The following MLLT10 variants were observed in gnomAD, a reference collection of about 807,000 sequenced individuals.
MLLT10 encodes the protein protein AF-10.
MLLT10 carries 30 observed loss-of-function variants against 129.1 expected under a neutral mutation model. The ratio of observed to expected loss-of-function variants is 0.23; its 90% CI spans 0.17 to 0.32. The LOEUF (loss-of-function observed/expected upper bound fraction) is 0.32, where lower values mean the gene tolerates loss of function less well. Ranked by LOEUF, MLLT10 falls within the 10% of genes least tolerant of loss-of-function variation. MLLT10 has a pLI of 1.00. For missense variants in MLLT10, 1,119 were observed against 1,268.3 expected, an observed-to-expected ratio of 0.88 and a Z score of 1.79; for synonymous variants, 490 against 446.4, an observed-to-expected ratio of 1.10 and a Z score of -1.23.
chr10:21,538,282 A>C (rs946108625), intron 2 of MLLT10, among the ~76,000 whole-genome samples: 2 of 151,446 alleles, frequency 1.3e-5, no homozygotes, highest in African/African-American at 2.4e-5. Flanking sequence ...CTCCTGCCGC[A>C]GCCTCCTGAG....
At chr10:21,558,171 G>A (rs188456551) in intron 3 of MLLT10, among the ~76,000 whole-genome samples, 1 of 151,576 alleles carries the variant, frequency 6.6e-6, no homozygotes, top group Non-Finnish European at 1.5e-5. Flanking sequence ...GGCTCGTCTC[G>A]AACTACTGAC....
chr10:21,626,059 C>A (rs183857767), intron 8 of MLLT10: 2 of 1,500,368 alleles, frequency 1.3e-6, no homozygotes, highest in African/African-American at 2.8e-5. Context: ...CAAGCAAGGC[C>A]TTGATCTTCA....
intron 3 of MLLT10, among the ~76,000 whole-genome samples, chr10:21,570,556 A>G (rs542334483): frequency 1.4e-4 from 21 of 150,978 alleles, no homozygotes; most frequent in African/African-American, 4.1e-4. Context: ...AATTATTTCA[A>G]TTATCACGTA....
chr10:21,537,708 A>G (rs1361801539), intron 2 of MLLT10, among the ~76,000 whole-genome samples: 1 of 152,114 alleles, frequency 6.6e-6, no homozygotes, highest in Non-Finnish European at 1.5e-5. Context: ...ACCTCAGGTG[A>G]TCCTCCTGCC....
chr10:21,602,321 C>G (rs1207183565), intron 5 of MLLT10, among the ~76,000 whole-genome samples: 2 of 152,092 alleles, frequency 1.3e-5, no homozygotes, highest in African/African-American at 4.8e-5. Context: ...TCCCCTACCC[C>G]CAGCTGGCTC....
At chr10:21,581,209 C>CTAAT (rs2041414141) in intron 3 of MLLT10, among the ~76,000 whole-genome samples, 2 of 151,538 alleles carry the variant, frequency 1.3e-5, no homozygotes. Context: ...TCACACCTGG[C>CTAAT]TTATTTTTTT....
chr10:21,655,720 A>G lies in MLLT10; in HGVS notation c.795+3952A>G, dbSNP rs373409912. On this transcript the variant is annotated intron_variant, in intron 9 of 22. Transcript: ENST00000307729. ...AGAGTTGTAGAATTAACATTGAGGA[A>G]TGAGGAAACCTACCTCATCTCCATA... Among the ~76,000 whole-genome samples the G allele has an allele frequency of 2.6e-5, 4 of 152,282 alleles. No individual in the cohort carries two copies. The East Asian group carries it at 7.7e-4, about 29-fold the overall frequency.
intron 8 of MLLT10, among the ~76,000 whole-genome samples, chr10:21,651,037 GTGTTGTTTTGTTT>G (rs1178242885): frequency 4.2e-5 from 5 of 118,432 alleles, no homozygotes; most frequent in Non-Finnish European, 9.0e-5. Context: ...TTTGGTGGTT[GTGTTGTTTTGTTT>G]TGTTTTGTTT....
At chr10:21,587,115 T>C (rs1314050118) in intron 4 of MLLT10, among the ~76,000 whole-genome samples, 1 of 151,892 alleles carries the variant, frequency 6.6e-6, no homozygotes, top group Non-Finnish European at 1.5e-5. Context: ...ATGTTGACTT[T>C]TAGGCTGGGT....
At chr10:21,726,431 T>G in intron 15 of MLLT10, 76 bp downstream of exon 15, 2 of 1,040,196 alleles carry the variant, frequency 1.9e-6, no homozygotes, top group Non-Finnish European at 2.9e-6. Context: ...TGGTTCATTT[T>G]ATTTGAAAAC....
At chr10:21,654,501 G>C (rs894880596) in intron 9 of MLLT10, among the ~76,000 whole-genome samples, 1 of 152,118 alleles carries the variant, frequency 6.6e-6, no homozygotes, top group South Asian at 2.1e-4. Flanking sequence ...ACGATTTGAG[G>C]AGTATTAGAG....
chr10:21,716,805 C>T (rs1390364538), intron 14 of MLLT10, among the ~76,000 whole-genome samples: 4 of 152,050 alleles, frequency 2.6e-5, no homozygotes, highest in Non-Finnish European at 5.9e-5. Flanking sequence ...AAATATTAAA[C>T]TTGAATAACA....
rs890718679 is a variant in MLLT10 at position 21,684,525 on chromosome 10, T to C, written c.1699+2268T>C. ...TTTTTTAAAAAGCTTTTTTCTATTA[T>C]TGATCAGTTTAACTTCTTTTTCTTT... On this transcript the variant is annotated intron_variant, in intron 13 of 22. Coordinates refer to ENST00000307729, the MANE Select transcript of MLLT10 (RefSeq NM_001195626.3). Among the ~76,000 whole-genome samples the C allele has an allele frequency of 3.3e-5, 5 of 152,224 alleles. No homozygotes were observed. In the East Asian group the frequency reaches 7.7e-4, roughly 23 times the overall value.
chr10:21,541,959 A>G (rs539804566), intron 3 of MLLT10, among the ~76,000 whole-genome samples: 1 of 152,340 alleles, frequency 6.6e-6, no homozygotes, highest in African/African-American at 2.4e-5. Context: ...TGAAATCTTT[A>G]TAGCGTTACT....
chr10:21,564,037 C>A (rs1039482729), intron 3 of MLLT10, among the ~76,000 whole-genome samples: 1 of 152,124 alleles, frequency 6.6e-6, no homozygotes, highest in African/African-American at 2.4e-5. Context: ...TGGTCTCGAT[C>A]TCCTAACCTC....
At chr10:21,704,760 G>A (rs1204989146) in intron 13 of MLLT10, among the ~76,000 whole-genome samples, 2 of 152,004 alleles carry the variant, frequency 1.3e-5, no homozygotes, top group Non-Finnish European at 2.9e-5. Flanking sequence ...TGCTTGGGTA[G>A]GCACCGTAGT....
chr10:21,572,347 C>T (rs1299682133), intron 3 of MLLT10, among the ~76,000 whole-genome samples: 2 of 151,950 alleles, frequency 1.3e-5, no homozygotes, highest in South Asian at 2.1e-4. Flanking sequence ...TCTTCTTTTT[C>T]GAAGTTCTGC....
At chr10:21,736,324 G>T (rs1056838752) in intron 21 of MLLT10, among the ~76,000 whole-genome samples, 13 of 152,090 alleles carry the variant, frequency 8.5e-5, no homozygotes, top group African/African-American at 2.7e-4. Context: ...TTGCTCTGTC[G>T]CCCAGGCTGG....
intron 3 of MLLT10, among the ~76,000 whole-genome samples, chr10:21,571,243 G>A (rs575302044): frequency 1.3e-5 from 2 of 152,296 alleles, no homozygotes; most frequent in Admixed American, 6.5e-5. Context: ...CCATTGGATA[G>A]CTCCTTTACA....
Sources: gnomAD v4.1 joint callset for allele counts (sites outside exome capture counted in the v4.1 genomes callset) on GRCh38, gnomAD v4.1.1 for gene constraint, MANE v1.5 for transcripts, NCBI Gene and HGNC (gene_info 2026-07-23, HGNC 2026-07-21) for gene names.